PTDSS2: variants seen among roughly 807,000 people sequenced by gnomAD.
The protein encoded by PTDSS2 is phosphatidylserine synthase 2, also known as PSS-2.
In PTDSS2, 41 loss-of-function variants were observed where a neutral mutation model predicts 64.7. That is an observed-to-expected ratio of 0.63 (90% CI 0.49 to 0.82). The LOEUF (loss-of-function observed/expected upper bound fraction) is 0.82. PTDSS2 is among the 40% of genes least tolerant of loss of function. The probability of loss-of-function intolerance (pLI) is 0.00; values close to 1 mark genes in which losing one functional copy is unlikely to be tolerated. For synonymous variants in PTDSS2, 297 were observed against 277.8 expected (o/e 1.07, Z -0.69); for missense variants, 485 against 650.0 (o/e 0.75, Z 2.76).
At chr11:457,913 C>G (rs1388592499) in intron 1 of PTDSS2, among the ~76,000 whole-genome samples, 1 of 152,226 alleles carries the variant, frequency 6.6e-6, no homozygotes, top group Non-Finnish European at 1.5e-5. Flanking sequence ...CACCAGCACT[C>G]TGCATTGTGA....
chr11:488,145 G>A (rs957168848), intron 6 of PTDSS2, 54 bp from the exon 7 acceptor site: 3 of 1,362,080 alleles, frequency 2.2e-6, no homozygotes, highest in Non-Finnish European at 2.1e-6. Context: ...GCACCCGTGG[G>A]CAGGGCCGGG....
intron 2 of PTDSS2, chr11:463,162 C>A (rs1180919564): frequency 1.4e-5 from 2 of 146,444 alleles, no homozygotes; most frequent in East Asian, 4.0e-4. Flanking sequence ...GAGACTCCGT[C>A]TCAAAAAAAA....
Position 479,161 on chromosome 11 carries a change from T to C in PTDSS2, c.435+9T>C. ...TCTTTATACTCTTCCAGGTAAGCTG[T>C]TTTTCTGGGTTGGATACCTGGGAAC... On this transcript the variant is annotated intron_variant, in intron 4 of 11. Transcript: ENST00000308020. This position sits in a 1 kb window ranked among gnomAD's most constrained non-coding sequence, Gnocchi z 4.2. The C allele has an allele frequency of 6.2e-7, 1 of 1,611,640 alleles. No individual in the cohort carries two copies. The highest frequency in any genetic ancestry group is 1.1e-5 in the South Asian group (1 of 91,046).
intron 2 of PTDSS2, among the ~76,000 whole-genome samples, chr11:472,479 C>T (rs566459947): frequency 9.2e-5 from 14 of 152,264 alleles, no homozygotes; most frequent in East Asian, 3.9e-4. Context: ...GGGTGGAGAC[C>T]GGGTCAGAAA....
At chr11:458,804 A>C (rs1472273962) in intron 1 of PTDSS2, 1 of 152,170 alleles carries the variant, frequency 6.6e-6, no homozygotes, top group African/African-American at 2.4e-5. Flanking sequence ...GTTTTATCAG[A>C]TATATGTATT....
chr11:475,231 G>A (rs79849665), intron 3 of PTDSS2, among the ~76,000 whole-genome samples: 145 of 59,388 alleles, frequency 2.4e-3, no homozygotes, highest in African/African-American at 7.7e-3. Flanking sequence ...ATATGGACAT[G>A]TTCACGTGTT....
intron 2 of PTDSS2, chr11:463,797 C>T (rs906239254): frequency 1.3e-5 from 2 of 152,204 alleles, no homozygotes; most frequent in African/African-American, 4.8e-5. Flanking sequence ...CCGCCCGCCT[C>T]AGCCTCCCAA....
chr11:471,966 C>CGG (rs1847473385), intron 2 of PTDSS2, among the ~76,000 whole-genome samples: 1 of 119,870 alleles, frequency 8.3e-6, no homozygotes, highest in Admixed American at 8.6e-5. Context: ...TGGGGTGATG[C>CGG]AGATGGCGGC....
intron 3 of PTDSS2, among the ~76,000 whole-genome samples, chr11:478,050 C>T (rs17155870): frequency 0.034 from 5,116 of 152,242 alleles, 300 homozygotes; most frequent in African/African-American, 0.12. Flanking sequence ...CACGTCTGCA[C>T]GTCTTGCCGT....
At chr11:457,004 G>A (rs564625255) in intron 1 of PTDSS2, among the ~76,000 whole-genome samples, 5 of 152,176 alleles carry the variant, frequency 3.3e-5, no homozygotes, top group Admixed American at 6.5e-5. Flanking sequence ...ACTTTGGGAG[G>A]CCAAGGTGGG....
rs1847816857 is a variant in PTDSS2 at position 476,618 on chromosome 11, C to G, written c.368-2467C>G. Among the ~76,000 whole-genome samples the G allele has an allele frequency of 6.6e-6, 1 of 152,086 alleles. No individual in the cohort carries two copies. The highest frequency in any genetic ancestry group is 2.1e-4 in the South Asian group (1 of 4,822). ...TGACCCCTGGCACAGGGAGAGACTC[C>G]CGGGAGACCCTCAGCTCTGAGCAGT... On this transcript the variant is annotated intron_variant, in intron 3 of 11. Coordinates refer to ENST00000308020, the MANE Select transcript of PTDSS2 (RefSeq NM_030783.3). The surrounding 1 kb of genome is among the most constrained non-coding windows in gnomAD (Gnocchi z 4.9).
chr11:469,091 G>A (rs1483989452), intron 2 of PTDSS2, among the ~76,000 whole-genome samples: 3 of 118,202 alleles, frequency 2.5e-5, no homozygotes, highest in Admixed American at 8.1e-5. Flanking sequence ...CTGGGTAATC[G>A]GAGGGAGGAG....
In PTDSS2 at chr11:470,810, G is replaced by A. The variant is rs180889218; in HGVS notation, c.285-3085G>A. Among the ~76,000 whole-genome samples, 4 of 151,856 alleles carry A rather than the reference G, an allele frequency of 2.6e-5. No individual in the cohort carries two copies. The highest frequency in any genetic ancestry group is 9.7e-5 in the African/African-American group (4 of 41,320). ...TCACCATGTTGGTCAGGCTGGTCTCGAACTCCTGACCTTGTGATCCGCCTG... is the reference window on the plus strand; with the variant it reads ...TCACCATGTTGGTCAGGCTGGTCTCAAACTCCTGACCTTGTGATCCGCCTG... On this transcript the variant is annotated intron_variant, in intron 2 of 11. Coordinates refer to ENST00000308020, the MANE Select transcript of PTDSS2 (RefSeq NM_030783.3). The surrounding 1 kb of genome is among the most constrained non-coding windows in gnomAD (Gnocchi z 5.3).
At chr11:454,977 T>G (rs1846519299) in intron 1 of PTDSS2, among the ~76,000 whole-genome samples, 1 of 151,136 alleles carries the variant, frequency 6.6e-6, no homozygotes, top group African/African-American at 2.4e-5. Context: ...CTGACTGGGT[T>G]GCAGGCACGT....
chr11:458,636 G>A (rs1404283991), intron 1 of PTDSS2: 1 of 151,284 alleles, frequency 6.6e-6, no homozygotes, highest in African/African-American at 2.4e-5. Flanking sequence ...CTCCCGAGTA[G>A]CTGGGACTAC....
rs1454830495 is a variant in PTDSS2 at position 490,409 on chromosome 11, C to T, written c.1302-11C>T. On this transcript the variant is annotated splice_polypyrimidine_tract_variant and intron_variant, in intron 11 of 11. Coordinates refer to ENST00000308020, the MANE Select transcript of PTDSS2 (RefSeq NM_030783.3). ...TGGGGGCAGGTGGTGACGCTGCATC[C>T]CGCTCCCCAGGGACATCACATTGAG... is the stretch of plus-strand genomic sequence containing the variant. The T allele has an allele frequency of 6.2e-7, 1 of 1,613,158 alleles. No homozygotes were observed. Among genetic ancestry groups the T allele is most frequent in the Non-Finnish European group, 8.5e-7 (1 of 1,179,938 alleles).
In PTDSS2 at chr11:488,796, C is replaced by T. The variant is rs1016059612; in HGVS notation, c.854+149C>T. 15 of 660,788 alleles carry T rather than the reference C, an allele frequency of 2.3e-5. No homozygotes were observed. In the East Asian group the frequency reaches 3.8e-4, roughly 17 times the overall value. 40.9% of individuals were successfully genotyped at this position (660,788 alleles called of 1,614,324 possible). A position where few individuals can be genotyped will look rare whatever the true frequency, so the allele number is the denominator to read the frequency against. The stretch of plus-strand genomic sequence containing the variant: ...GTGGGGCTTTGCCTCCTGGAACCTC[C>T]CTCTGACCTGGTGTCACTCAAGCCC... On this transcript the variant is annotated intron_variant, in intron 8 of 11. Coordinates refer to ENST00000308020, the MANE Select transcript of PTDSS2 (RefSeq NM_030783.3).
chr11:486,362 C>T (rs1005345725), intron 4 of PTDSS2, among the ~76,000 whole-genome samples: 3 of 152,202 alleles, frequency 2.0e-5, no homozygotes, highest in African/African-American at 2.4e-5. Context: ...GTCCAGCGGT[C>T]CTAGACCCCC....
intron 2 of PTDSS2, among the ~76,000 whole-genome samples, chr11:467,679 G>A (rs1360938310): frequency 6.6e-6 from 1 of 152,114 alleles, no homozygotes; most frequent in Non-Finnish European, 1.5e-5. Flanking sequence ...GTTGCAGTGA[G>A]CCGAGATCGC....
Sources: gnomAD v4.1 joint callset for allele counts (sites outside exome capture counted in the v4.1 genomes callset) on GRCh38, gnomAD v4.1.1 for gene constraint, Gnocchi (gnomAD v3.1) non-coding constraint, MANE v1.5 for transcripts, NCBI Gene and HGNC (gene_info 2026-07-23, HGNC 2026-07-21) for gene names.